Variants in NOTCH2 observed in about 807,000 individuals in gnomAD.
NOTCH2 encodes neurogenic locus notch homolog protein 2.
A neutral mutation model predicts 235.8 loss-of-function variants in NOTCH2; 29 were observed. The ratio of observed to expected loss-of-function variants is 0.12; its 90% CI spans 0.09 to 0.17. The LOEUF (loss-of-function observed/expected upper bound fraction) is 0.17, where lower values mean the gene tolerates loss of function less well. NOTCH2 is among the 10% of genes least tolerant of loss of function. NOTCH2 has a pLI of 1.00. For synonymous variants in NOTCH2, 1,086 were observed against 1,141.5 expected, an observed-to-expected ratio of 0.95 and a Z score of 0.98; for missense variants, 2,285 against 3,150.2, an observed-to-expected ratio of 0.73 and a Z score of 6.57.
intron 17 of NOTCH2, among the ~76,000 whole-genome samples, chr1:119,944,620 AAGC>A (rs1650189691): frequency 6.6e-6 from 1 of 151,950 alleles, no homozygotes; most frequent in African/African-American, 2.4e-5. Flanking sequence ...GATATCTTAA[AAGC>A]AGCCACAGGA....
intron 5 of NOTCH2, 139 bp downstream of exon 5, chr1:119,986,821 T>C (rs928131753): frequency 5.3e-5 from 55 of 1,045,062 alleles, no homozygotes; most frequent in Non-Finnish European, 7.5e-5. Flanking sequence ...AGCAATGATC[T>C]AGCATGGAGA....
chr1:120,065,328 A>G (rs587713347), intron 1 of NOTCH2, among the ~76,000 whole-genome samples: 4,829 of 152,284 alleles, frequency 0.032, 180 homozygotes, highest in African/African-American at 0.11. Flanking sequence ...TGTGCCTATT[A>G]GATACCAAGG....
intron 15 of NOTCH2, 159 bp downstream of exon 15, chr1:119,950,565 C>G: frequency 1.4e-6 from 1 of 711,018 alleles, no homozygotes. Context: ...AATGTTTCCT[C>G]AAAGCTCAAG....
At chr1:119,916,846 A>G (rs1275875593) in intron 33 of NOTCH2, 152 bp from the exon 34 acceptor site, 21 of 802,764 alleles carry the variant, frequency 2.6e-5, no homozygotes, top group Non-Finnish European at 4.0e-5. Context: ...CTGTGCCTCT[A>G]CCAATGTACT....
intron 2 of NOTCH2, among the ~76,000 whole-genome samples, chr1:120,014,802 T>A (rs1368940721): frequency 5.0e-5 from 6 of 120,926 alleles, no homozygotes; most frequent in African/African-American, 1.9e-4. Context: ...TAGCCACTCG[T>A]CTACAGAAAA....
chr1:119,915,883 G>A lies in NOTCH2; in HGVS notation c.6839C>T (p.Pro2280Leu). 1.2e-6 allele frequency: 2 copies of A among 1,614,196 alleles called. No individual in the cohort carries two copies. Among genetic ancestry groups the A allele is most frequent in the Non-Finnish European group, 8.5e-7 (1 of 1,180,030 alleles). The change falls in exon 34 of 34, where the codon CCT becomes CTT. Residue 2280 changes from proline to leucine, a missense_variant. Physicochemically the swap from Pro to Leu is moderately conservative, Grantham distance 98. Transcript: ENST00000256646. ...MVLAPAEGTH[P>L]GIAPQSRPPE... ...TGGCCTGCTCTGGGGAGCTATGCCA[G>A]GATGGGTGCCCTCAGCTGGAGCCAG...
intron 22 of NOTCH2, among the ~76,000 whole-genome samples, chr1:119,929,613 G>A (rs940292833): frequency 9.9e-5 from 15 of 152,202 alleles, no homozygotes; most frequent in Non-Finnish European, 1.6e-4. Flanking sequence ...TTATGCAACC[G>A]CATAATGACA....
chr1:119,917,648 G>T lies in NOTCH2; in HGVS notation c.6027+17C>A, dbSNP rs763329903. 1.3e-6 allele frequency: 2 copies of T among 1,554,038 alleles called. No individual in the cohort carries two copies. The highest frequency in any genetic ancestry group is 1.7e-5 in the Admixed American group (1 of 59,952). On this transcript the variant is annotated intron_variant, in intron 33 of 33. Coordinates refer to ENST00000256646, the MANE Select transcript of NOTCH2 (RefSeq NM_024408.4). The stretch of plus-strand genomic sequence containing the variant: ...ACTGCTATGAGCCTCCTCAAGCTCA[G>T]AGCCCACAAACTGTACCTTGTTGTC...
chr1:119,967,665 T>C, intron 7 of NOTCH2, 44 bp from the exon 8 acceptor site: 1 of 1,563,922 alleles, frequency 6.4e-7, no homozygotes, highest in Non-Finnish European at 8.8e-7. Context: ...AGCAGTTGAG[T>C]TTCCACAAAT....
intron 1 of NOTCH2, among the ~76,000 whole-genome samples, chr1:120,063,533 G>A (rs1251414836): frequency 5.3e-5 from 8 of 152,164 alleles, no homozygotes; most frequent in South Asian, 2.1e-4. Context: ...GCTGGATTTC[G>A]CAAATTTCTT....
intron 11 of NOTCH2, 26 bp from the exon 12 acceptor site, chr1:119,959,528 C>T (rs782327848): frequency 1.4e-5 from 17 of 1,216,052 alleles, no homozygotes; most frequent in Non-Finnish European, 1.1e-5. Flanking sequence ...CAACGGAAAC[C>T]ATTCAATGTT....
chr1:119,976,087 T>C (rs2493406), intron 5 of NOTCH2, among the ~76,000 whole-genome samples: 1 of 152,166 alleles, frequency 6.6e-6, no homozygotes, highest in African/African-American at 2.4e-5. Flanking sequence ...AACAACAATC[T>C]CCACAAGAGG....
intron 3 of NOTCH2, among the ~76,000 whole-genome samples, chr1:120,001,804 A>G (rs1407815287): frequency 6.6e-6 from 1 of 152,130 alleles, no homozygotes; most frequent in Non-Finnish European, 1.5e-5. Context: ...GCCTCTAACC[A>G]AGGCATTCAC....
chr1:119,949,417 C>CACT (rs1650381970), intron 15 of NOTCH2, among the ~76,000 whole-genome samples: 1 of 139,654 alleles, frequency 7.2e-6, no homozygotes, highest in African/African-American at 2.7e-5. Context: ...GACGGAGTCT[C>CACT]ACTCTGACTC....
chr1:120,067,877 C>CT (rs1655568797), intron 1 of NOTCH2, among the ~76,000 whole-genome samples: 1 of 150,540 alleles, frequency 6.6e-6, no homozygotes, highest in African/African-American at 2.4e-5. Flanking sequence ...CTAGTTGGTG[C>CT]TGAACAACCC....
chr1:119,918,618 A>G, intron 31 of NOTCH2, 65 bp from the exon 32 acceptor site: 2 of 1,552,650 alleles, frequency 1.3e-6, no homozygotes, highest in Non-Finnish European at 1.8e-6. Context: ...AAACTCAGTG[A>G]AGAAACAAGG....
At position 119,941,568 on chromosome 1, in the gene NOTCH2, T is replaced by A. The variant is rs1650065277; in HGVS notation, c.2939A>T (p.Asp980Val). 1.2e-6 allele frequency: 2 copies of A among 1,614,146 alleles called. No homozygotes were observed. The highest frequency in any genetic ancestry group is 2.2e-5 in the East Asian group (1 of 44,880). The change falls in exon 18 of 34, where the codon GAT becomes GTT. Residue 980 changes from aspartate to valine, a missense_variant. Physicochemically the swap from Asp to Val is radical, Grantham distance 152. Around this residue, in one of 6 missense-constraint regions of NOTCH2, gnomAD observed 1,173 missense variants for 1,515.3 expected, o/e 0.77. Transcript: ENST00000256646. ...GATGTTGTTCTCACAATGGACTCCATCAAATCCTGCCTGGCACTTGCAAGT... is the reference window on the plus strand; with the variant it reads ...GATGTTGTTCTCACAATGGACTCCAACAAATCCTGCCTGGCACTTGCAAGT... ...SYTCKCQAGFDGVHCENNINE... is the reference protein window; with the variant it reads ...SYTCKCQAGFVGVHCENNINE...
intron 15 of NOTCH2, chr1:119,950,011 T>C (rs902462475): frequency 3.1e-5 from 5 of 160,492 alleles, no homozygotes; most frequent in African/African-American, 1.2e-4. Flanking sequence ...AAAGAATAAA[T>C]GTCCCAAGCA....
chr1:119,981,708 G>A (rs116567297), intron 5 of NOTCH2, among the ~76,000 whole-genome samples: 3,408 of 152,226 alleles, frequency 0.022, 72 homozygotes, highest in Non-Finnish European at 0.036. Flanking sequence ...GGTGCTTCAG[G>A]TTAGCACTGT....
Sources: allele counts gnomAD v4.1 joint callset (sites outside exome capture counted in the v4.1 genomes callset), GRCh38; gene constraint gnomAD v4.1.1; regional missense constraint gnomAD v4.1.1; transcripts MANE v1.5; gene names NCBI Gene and HGNC (gene_info 2026-07-23, HGNC 2026-07-21).